RBM28: variants seen among roughly 807,000 people sequenced by gnomAD.
RBM28 encodes RNA binding motif protein 28.
Under a neutral mutation model 98.3 loss-of-function variants are expected in RBM28, and 78 were observed. The observed-to-expected ratio is 0.79, with a 90% CI of 0.66 to 0.96. The LOEUF is 0.96. Among genes scored for constraint, RBM28 ranks in the 40% least tolerant of loss-of-function variants. The pLI is 0.00. For missense variants in RBM28, 838 were observed against 913.0 expected (o/e 0.92, Z 1.06); for synonymous variants, 306 against 330.9 (o/e 0.92, Z 0.82).
At position 128,297,929 on chromosome 7, in the gene RBM28, T is replaced by C. The variant is rs1280028065; in HGVS notation, c.*12868A>G. 2 of 137,308 alleles carry C rather than the reference T, an allele frequency of 1.5e-5. No individual in the cohort carries two copies. Among genetic ancestry groups the C allele is most frequent in the East Asian group, 2.2e-4 (1 of 4,524 alleles). 8.5% of individuals were successfully genotyped at this position (137,308 alleles called of 1,614,324 possible). On this transcript the variant is annotated 3_prime_UTR_variant, in exon 19 of 19. Coordinates refer to ENST00000223073, the MANE Select transcript of RBM28 (RefSeq NM_018077.3). ...GCATATTCTCACTCATAGGTGGGAA[T>C]TGAACAATGAGAACACATGGACACA...
chr7:128,311,510 G>A (rs191668175), intron 18 of RBM28, among the ~76,000 whole-genome samples: 1 of 152,192 alleles, frequency 6.6e-6, no homozygotes. Context: ...CTAATGTCAG[G>A]ACTGGGGAAG....
At chr7:128,334,920 G>A (rs768336373) in intron 8 of RBM28, among the ~76,000 whole-genome samples, 3 of 152,044 alleles carry the variant, frequency 2.0e-5, no homozygotes, top group Non-Finnish European at 2.9e-5. Context: ...CTCTCCCCTC[G>A]TCAAGCCACA....
intron 2 of RBM28, 38 bp downstream of exon 2, chr7:128,339,595 C>T (rs1562959951): frequency 6.2e-7 from 1 of 1,600,042 alleles, no homozygotes; most frequent in Non-Finnish European, 8.6e-7. Flanking sequence ...TCCTCCTCAC[C>T]CTGGGAGAAA....
chr7:128,339,791 C>T lies in RBM28; in HGVS notation c.119G>A (p.Gly40Glu). Residue 40 changes from glycine (G) to glutamate (E), a missense_variant and splice_region_variant, in exon 2 of 19, where the codon GGG becomes GAG. Gly to Glu is a moderately conservative substitution (Grantham distance 98, BLOSUM62 -2). Coordinates refer to ENST00000223073, the MANE Select transcript of RBM28 (RefSeq NM_018077.3). ...GCCAAAGCCTCGACATGCCTTACTCCCTGGAATAATGGAGTGGGGAGGGAG... is the reference window on the plus strand; with the variant it reads ...GCCAAAGCCTCGACATGCCTTACTCTCTGGAATAATGGAGTGGGGAGGGAG... ...VKQCFVVTEK[G>E]SKACRGFGYV... is the part of the protein sequence containing the mutation. 6.2e-7 allele frequency: 1 copy of T among 1,613,886 alleles called. No homozygotes were observed. The highest frequency in any genetic ancestry group is 1.7e-5 in the Admixed American group (1 of 60,006).
chr7:128,321,808 G>A (rs1239037820), intron 13 of RBM28, among the ~76,000 whole-genome samples: 1 of 152,186 alleles, frequency 6.6e-6, no homozygotes, highest in East Asian at 1.9e-4. Context: ...AGCACTTTGG[G>A]AGGCCAGGGC....
intron 2 of RBM28, 22 bp downstream of exon 2, chr7:128,339,611 C>T: frequency 1.9e-6 from 3 of 1,611,564 alleles, no homozygotes; most frequent in East Asian, 2.2e-5. Flanking sequence ...AGAAAAACTT[C>T]CTTCAATTAC....
At chr7:128,320,177 A>G (rs1796192277) in intron 14 of RBM28, among the ~76,000 whole-genome samples, 1 of 146,132 alleles carries the variant, frequency 6.8e-6, no homozygotes, top group South Asian at 2.2e-4. Flanking sequence ...AGATCATGCC[A>G]CTGCACTCCA....
rs749801292 is a variant in RBM28, at chr7:128,330,931, A to C, written c.1020-3T>G. 1 of 1,599,720 alleles carries C rather than the reference A, an allele frequency of 6.3e-7. No homozygotes were observed. The highest frequency in any genetic ancestry group is 1.7e-5 in the Admixed American group (1 of 60,018). On this transcript the variant is annotated splice_polypyrimidine_tract_variant and splice_region_variant and intron_variant, in intron 9 of 18. Coordinates refer to ENST00000223073, the MANE Select transcript of RBM28 (RefSeq NM_018077.3). ...CTTCTGAGTCAAAGGACAGATTTCTATGGAAGATAACCAGATGATCACAAG... is the reference window on the plus strand; with the variant it reads ...CTTCTGAGTCAAAGGACAGATTTCTCTGGAAGATAACCAGATGATCACAAG...
chr7:128,339,661 C>A lies in RBM28; in HGVS notation c.249G>T (p.Arg83Ser), dbSNP rs371110881. ...INVTVAKKKL[R>S]NKTKEKGKNE... ...TTTTCCCCTTTTCCTTTGTCTTGTT[C>A]CTCAGTTTTTTCTTGGCAACAGTCA... Residue 83 changes from arginine to serine, a missense_variant, in exon 2 of 19, where the codon AGG becomes AGT. Physicochemically the swap from Arg to Ser is moderately radical, Grantham distance 110. Coordinates refer to ENST00000223073, the MANE Select transcript of RBM28 (RefSeq NM_018077.3). 1.2e-6 allele frequency: 2 copies of A among 1,614,012 alleles called. No homozygotes were observed. Among genetic ancestry groups the A allele is most frequent in the Non-Finnish European group, 1.7e-6 (2 of 1,179,988 alleles).
chr7:128,317,735 T>C lies in RBM28; in HGVS notation c.1714-2A>G. 6.3e-7 allele frequency: 1 copy of C among 1,595,050 alleles called. No individual in the cohort carries two copies. The highest frequency in any genetic ancestry group is 1.7e-4 in the Middle Eastern group (1 of 6,030). On this transcript the variant is annotated splice_acceptor_variant, in intron 15 of 18. Coordinates refer to ENST00000223073, the MANE Select transcript of RBM28 (RefSeq NM_018077.3). LOFTEE classifies it high-confidence loss of function. ...TAAAGAGAACTCCACTATTGGTCTC[T>C]GTCAGAGGGAGACAGAATGCCATTC...
At chr7:128,341,572 T>C (rs979621327) in intron 1 of RBM28, among the ~76,000 whole-genome samples, 5 of 152,246 alleles carry the variant, frequency 3.3e-5, no homozygotes, top group Non-Finnish European at 7.3e-5. Flanking sequence ...CAGCACTCTT[T>C]CCAGTACATA....
At chr7:128,318,721 AACAAACACAAT>A (rs1185597707) in intron 14 of RBM28, among the ~76,000 whole-genome samples, 3 of 152,248 alleles carry the variant, frequency 2.0e-5, no homozygotes, top group Non-Finnish European at 4.4e-5. Flanking sequence ...GATGTTAAAA[AACAAACACAAT>A]ACAAACACAA....
intron 16 of RBM28, among the ~76,000 whole-genome samples, chr7:128,316,251 C>T (rs956579206): frequency 1.3e-5 from 2 of 152,130 alleles, no homozygotes; most frequent in African/African-American, 4.8e-5. Context: ...TAAGGAAGTT[C>T]ATGAAAATCA....
intron 11 of RBM28, among the ~76,000 whole-genome samples, chr7:128,325,013 AAAAAT>A (rs1796317685): frequency 6.6e-6 from 1 of 152,158 alleles, no homozygotes; most frequent in Non-Finnish European, 1.5e-5. Context: ...CCACCTCAAA[AAAAAT>A]AAAATAAAAT....
intron 18 of RBM28, among the ~76,000 whole-genome samples, chr7:128,311,960 T>C (rs545770462): frequency 6.6e-6 from 1 of 152,198 alleles, no homozygotes; most frequent in Non-Finnish European, 1.5e-5. Flanking sequence ...CTAAGGCCAT[T>C]ACATGAAAGG....
chr7:128,323,038 C>T (rs1796270181), intron 13 of RBM28, among the ~76,000 whole-genome samples: 1 of 152,160 alleles, frequency 6.6e-6, no homozygotes, highest in Admixed American at 6.5e-5. Flanking sequence ...CGGTTAACAT[C>T]GGAAACATCC....
chr7:128,322,102 A>C (rs1193260313), intron 13 of RBM28, among the ~76,000 whole-genome samples: 1 of 152,052 alleles, frequency 6.6e-6, no homozygotes, highest in Non-Finnish European at 1.5e-5. Context: ...ACAACAAATA[A>C]TACTGTGATT....
chr7:128,328,515 T>C (rs1479416921), intron 10 of RBM28, among the ~76,000 whole-genome samples: 1 of 152,150 alleles, frequency 6.6e-6, no homozygotes, highest in Non-Finnish European at 1.5e-5. Context: ...GGAAGGACAA[T>C]ACATTTTTTT....
Position 128,317,662 on chromosome 7 carries a change from G to C in RBM28, c.1785C>G (p.Ser595Arg). Residue 595 changes from serine to arginine, a missense_variant, in exon 16 of 19, where the codon AGC (serine) becomes AGG (arginine). Coordinates refer to ENST00000223073, the MANE Select transcript of RBM28 (RefSeq NM_018077.3). ...LKMKELRIQR[S>R]LQKMRSKPAT... ...ATGGACCATTTAATTTCTGTACCAA[G>C]CTGCGCTGGATCCTTAATTCCTTCA... The C allele has an allele frequency of 6.3e-7, 1 of 1,594,536 alleles. No individual in the cohort carries two copies. Among genetic ancestry groups the C allele is most frequent in the Non-Finnish European group, 8.6e-7 (1 of 1,162,282 alleles).
Sources: allele counts gnomAD v4.1 joint callset (sites outside exome capture counted in the v4.1 genomes callset), GRCh38; gene constraint gnomAD v4.1.1; transcripts MANE v1.5; gene names NCBI Gene and HGNC (gene_info 2026-07-23, HGNC 2026-07-21).